IGFBP5: variants seen among roughly 807,000 people sequenced by gnomAD.
IGFBP5 encodes the protein insulin like growth factor binding protein 5.
Under a neutral mutation model 28.0 loss-of-function variants are expected in IGFBP5, and 12 were observed. The observed-to-expected ratio is 0.43, with a 90% CI of 0.27 to 0.69. The LOEUF (loss-of-function observed/expected upper bound fraction) is 0.69. Ranked by LOEUF, IGFBP5 falls within the 30% of genes least tolerant of loss-of-function variation. The probability of loss-of-function intolerance (pLI) is 0.20; values close to 1 mark genes in which losing one functional copy is unlikely to be tolerated. For missense variants in IGFBP5, 344 were observed against 381.6 expected (o/e 0.90, Z 0.82); for synonymous variants, 152 against 150.2 (o/e 1.01, Z -0.09).
rs1364663704 is a variant in IGFBP5, at chr2:216,679,671, G to A, written c.338-592C>T. ...GGAGGAGGGGGTCCTGGGGTCTGGA[G>A]CAGCAGGGTGGTGAGGACCTTCATA... On this transcript the variant is annotated intron_variant, in intron 1 of 3. Transcript: ENST00000233813. The surrounding 1 kb of genome is among the most constrained non-coding windows in gnomAD (Gnocchi z 4.6). 6.6e-6 allele frequency among the ~76,000 whole-genome samples: 1 copy of A among 152,106 alleles called. No individual in the cohort carries two copies. Among genetic ancestry groups the A allele is most frequent in the Non-Finnish European group, 1.5e-5 (1 of 68,018 alleles).
intron 2 of IGFBP5, among the ~76,000 whole-genome samples, chr2:216,678,475 C>G (rs939718378): frequency 6.6e-6 from 1 of 152,228 alleles, no homozygotes; most frequent in Non-Finnish European, 1.5e-5. Context: ...AGTCCACCCC[C>G]TCCCCTGCAG....
At position 216,679,953 on chromosome 2, in the gene IGFBP5, C is replaced by T. The variant is rs1268728806; in HGVS notation, c.338-874G>A. 1.3e-5 allele frequency among the ~76,000 whole-genome samples: 2 copies of T among 152,102 alleles called. No individual in the cohort carries two copies. Among genetic ancestry groups the T allele is most frequent in the Non-Finnish European group, 2.9e-5 (2 of 67,986 alleles). On this transcript the variant is annotated intron_variant, in intron 1 of 3. Coordinates refer to ENST00000233813, the MANE Select transcript of IGFBP5 (RefSeq NM_000599.4). The surrounding 1 kb of genome is among the most constrained non-coding windows in gnomAD (Gnocchi z 4.6). ...GCTTTTGACCTTTAGAGAAGTCAGACTTTGTTGATGTATTTGTTGATCCTT... is the reference window on the plus strand; with the variant it reads ...GCTTTTGACCTTTAGAGAAGTCAGATTTTGTTGATGTATTTGTTGATCCTT...
In IGFBP5 at chr2:216,694,275, G is replaced by C. The variant is rs1048032855; in HGVS notation, c.337+164C>G. 2.0e-5 allele frequency among the ~76,000 whole-genome samples: 3 copies of C among 152,090 alleles called. No individual in the cohort carries two copies. In the East Asian group the frequency reaches 5.8e-4, roughly 29 times the overall value. On this transcript the variant is annotated intron_variant, in intron 1 of 3. Coordinates refer to ENST00000233813, the MANE Select transcript of IGFBP5 (RefSeq NM_000599.4). The surrounding 1 kb of genome is among the most constrained non-coding windows in gnomAD (Gnocchi z 5.2). ...GGCTAGACAGTTCCCCCGGGTAGCA[G>C]GATCCTCCAGGGCTCCAATTCCGGG...
At position 216,694,198 on chromosome 2, in the gene IGFBP5, G is replaced by A. The variant is rs187800222; in HGVS notation, c.337+241C>T. 2.4e-3 allele frequency among the ~76,000 whole-genome samples: 359 copies of A among 152,068 alleles called. No homozygotes were observed. The highest frequency in any genetic ancestry group is 3.6e-3 in the Non-Finnish European group (248 of 67,968). On this transcript the variant is annotated intron_variant, in intron 1 of 3. Transcript: ENST00000233813. This position sits in a 1 kb window ranked among gnomAD's most constrained non-coding sequence, Gnocchi z 5.2. ...TTCGGACAGAGTAGGGGGAGGGGGC[G>A]GGCAACGTGTGGGTAGGAGGAAGGA...
chr2:216,677,493 A>G (rs1181937278), intron 3 of IGFBP5, among the ~76,000 whole-genome samples: 1 of 152,218 alleles, frequency 6.6e-6, no homozygotes, highest in Non-Finnish European at 1.5e-5. Context: ...AGGCACAGAG[A>G]CATTAAATGG....
At chr2:216,687,769 A>T (rs1347207686) in intron 1 of IGFBP5, among the ~76,000 whole-genome samples, 1 of 151,928 alleles carries the variant, frequency 6.6e-6, no homozygotes, top group East Asian at 1.9e-4. Flanking sequence ...CCACTTTCCC[A>T]TCATGACCCA....
chr2:216,690,650 G>A (rs1689084197), intron 1 of IGFBP5, among the ~76,000 whole-genome samples: 1 of 123,426 alleles, frequency 8.1e-6, no homozygotes, highest in Non-Finnish European at 1.6e-5. Flanking sequence ...CTCAAATCCA[G>A]CCCAAGCCCC....
chr2:216,676,771 C>A lies in IGFBP5; in HGVS notation c.799G>T (p.Asp267Tyr). Reference protein sequence around the residue: ...VDGDFQCHTFDSSNVE With the variant: ...VDGDFQCHTFYSSNVE ...ACGCATCACTCAACGTTGCTGCTGT[C>A]GAAGGTGTGGCACTGAAAGTCCCCG... Residue 267 changes from aspartate (D) to tyrosine (Y), a missense_variant, in exon 4 of 4, where the codon GAC becomes TAC. Physicochemically the swap from Asp to Tyr is radical, Grantham distance 160. This residue lies in a region of IGFBP5 where 36 missense variants were observed against 34.1 expected (regional missense o/e 1.06). Coordinates refer to ENST00000233813, the MANE Select transcript of IGFBP5 (RefSeq NM_000599.4). 6.2e-7 allele frequency: 1 copy of A among 1,613,656 alleles called. No individual in the cohort carries two copies. Among genetic ancestry groups the A allele is most frequent in the South Asian group, 1.1e-5 (1 of 91,056 alleles).
At chr2:216,685,937 T>C (rs1304838074) in intron 1 of IGFBP5, among the ~76,000 whole-genome samples, 1 of 151,734 alleles carries the variant, frequency 6.6e-6, no homozygotes, top group Non-Finnish European at 1.5e-5. Flanking sequence ...TAGGCATGCA[T>C]GTTCCGGGTT....
intron 1 of IGFBP5, among the ~76,000 whole-genome samples, chr2:216,685,213 G>A (rs11575162): frequency 3.3e-5 from 5 of 151,710 alleles, no homozygotes; most frequent in Admixed American, 2.0e-4. Context: ...CCTGGGAGGC[G>A]GAGGTTGCAG....
At chr2:216,684,337 C>T (rs560496979) in intron 1 of IGFBP5, among the ~76,000 whole-genome samples, 73 of 152,332 alleles carry the variant, frequency 4.8e-4, no homozygotes, top group African/African-American at 1.7e-3. Flanking sequence ...AGCCACACCC[C>T]GGTGCTATTA....
At chr2:216,689,717 A>G (rs1689072215) in intron 1 of IGFBP5, among the ~76,000 whole-genome samples, 1 of 152,240 alleles carries the variant, frequency 6.6e-6, no homozygotes, top group African/African-American at 2.4e-5. Context: ...CTTCCCACTC[A>G]GGGCCTCAGT....
Position 216,694,563 on chromosome 2 carries a change from G to A in IGFBP5, c.213C>T (p.Thr71=), listed in dbSNP as rs150849005. 1.4e-3 allele frequency: 2,222 copies of A among 1,563,402 alleles called. 28 individuals carry two copies. The African/African-American group carries it at 0.027, about 19-fold the overall frequency. Residue 71 remains threonine (T), a synonymous_variant, in exon 1 of 4, where the codon ACC becomes ACT. Coordinates refer to ENST00000233813, the MANE Select transcript of IGFBP5 (RefSeq NM_000599.4). The surrounding 1 kb of genome is among the most constrained non-coding windows in gnomAD (Gnocchi z 5.2). ...AGCGCAGCCCCTGGGCGCAGCGCTCGGTGTAGACGCCGCACGACTGCCCCT... is the reference window on the plus strand; with the variant it reads ...AGCGCAGCCCCTGGGCGCAGCGCTCAGTGTAGACGCCGCACGACTGCCCCT... ...LAEGQSCGVY[T]ERCAQGLRCL...
At chr2:216,684,592 C>T (rs140848950) in intron 1 of IGFBP5, among the ~76,000 whole-genome samples, 2 of 152,302 alleles carry the variant, frequency 1.3e-5, no homozygotes, top group East Asian at 3.9e-4. Flanking sequence ...TAGAATCTCT[C>T]TACAAAGAAT....
chr2:216,681,926 A>T (rs986791499), intron 1 of IGFBP5, among the ~76,000 whole-genome samples: 2 of 152,200 alleles, frequency 1.3e-5, no homozygotes, highest in Admixed American at 6.5e-5. Flanking sequence ...ACCTTGGGGT[A>T]AATTTATTTT....
chr2:216,684,966 T>C (rs941079571), intron 1 of IGFBP5, among the ~76,000 whole-genome samples: 1 of 152,154 alleles, frequency 6.6e-6, no homozygotes, highest in Non-Finnish European at 1.5e-5. Flanking sequence ...GGGCTTCTCT[T>C]TGGCCTAAGG....
chr2:216,679,151 A>C lies in IGFBP5; in HGVS notation c.338-72T>G, dbSNP rs779107697. Reference sequence around the variant, plus strand: ...ACACGGCCAGAGCCCAGGGCTGGGCAGTTTGGGGTGAGGGGAGTAATAAAG... The same window carrying C: ...ACACGGCCAGAGCCCAGGGCTGGGCCGTTTGGGGTGAGGGGAGTAATAAAG... On this transcript the variant is annotated intron_variant, in intron 1 of 3. Coordinates refer to ENST00000233813, the MANE Select transcript of IGFBP5 (RefSeq NM_000599.4). The surrounding 1 kb of genome is among the most constrained non-coding windows in gnomAD (Gnocchi z 4.6). The C allele has an allele frequency of 1.0e-5, 13 of 1,252,720 alleles. No homozygotes were observed. Among genetic ancestry groups the C allele is most frequent in the Non-Finnish European group, 1.5e-5 (13 of 858,346 alleles). The allele number at this position is 1,252,720 out of a possible 1,614,324, so 77.6% of individuals were successfully genotyped here.
At chr2:216,680,358 G>A (rs1688958601) in intron 1 of IGFBP5, among the ~76,000 whole-genome samples, 1 of 152,142 alleles carries the variant, frequency 6.6e-6, no homozygotes, top group Non-Finnish European at 1.5e-5. Context: ...AGACATCTGG[G>A]ATGGGGAACA....
At chr2:216,686,022 T>A (rs1417461694) in intron 1 of IGFBP5, among the ~76,000 whole-genome samples, 2 of 148,994 alleles carry the variant, frequency 1.3e-5, no homozygotes, top group African/African-American at 4.9e-5. Context: ...CCCAAAGCTG[T>A]CATCCTAAAA....
Sources: allele counts gnomAD v4.1 joint callset (sites outside exome capture counted in the v4.1 genomes callset), GRCh38; gene constraint gnomAD v4.1.1; regional missense constraint gnomAD v4.1.1; non-coding constraint Gnocchi (gnomAD v3.1); transcripts MANE v1.5; gene names NCBI Gene and HGNC (gene_info 2026-07-23, HGNC 2026-07-21).